The following ZNF804B variants were observed in gnomAD, a reference collection of about 807,000 sequenced individuals.
The protein encoded by ZNF804B is zinc finger 804B.
In ZNF804B, 80 loss-of-function variants were observed where a neutral mutation model predicts 101.4. The observed-to-expected ratio is 0.79, with a 90% CI of 0.66 to 0.95. ZNF804B has a LOEUF of 0.95. Among genes scored for constraint, ZNF804B ranks in the 40% least tolerant of loss-of-function variants. ZNF804B has a pLI of 0.00. For missense variants in ZNF804B, 1,673 were observed against 1,561.9 expected (o/e 1.07, Z -1.20); for synonymous variants, 622 against 558.8 (o/e 1.11, Z -1.59).
intron 1 of ZNF804B, among the ~76,000 whole-genome samples, chr7:88,911,199 C>T (rs555225512): frequency 9.9e-5 from 15 of 151,664 alleles, no homozygotes; most frequent in African/African-American, 3.1e-4. Flanking sequence ...TATGTAAGTG[C>T]GAAAGGACAT....
At chr7:88,931,973 C>T (rs1295611634) in intron 1 of ZNF804B, among the ~76,000 whole-genome samples, 2 of 151,046 alleles carry the variant, frequency 1.3e-5, no homozygotes, top group Non-Finnish European at 3.0e-5. Flanking sequence ...TTTCTGTCTG[C>T]CCTTCTAAGT....
intron 2 of ZNF804B, among the ~76,000 whole-genome samples, chr7:89,248,466 G>GAA (rs139869508): frequency 7.1e-6 from 1 of 140,834 alleles, no homozygotes; most frequent in East Asian, 2.0e-4. Flanking sequence ...AGCATTCTTT[G>GAA]AAAAAAAAAG....
intron 1 of ZNF804B, among the ~76,000 whole-genome samples, chr7:88,766,494 C>T (rs986468139): frequency 2.6e-5 from 4 of 152,082 alleles, no homozygotes; most frequent in Non-Finnish European, 5.9e-5. Flanking sequence ...ATATTTTTCT[C>T]TTCACAGAAA....
chr7:89,144,096 A>T (rs1046473899), intron 1 of ZNF804B, among the ~76,000 whole-genome samples: 2 of 152,052 alleles, frequency 1.3e-5, no homozygotes, highest in African/African-American at 4.8e-5. Context: ...TACAGTATTT[A>T]TGAAACCTCC....
intron 1 of ZNF804B, among the ~76,000 whole-genome samples, chr7:88,828,536 A>G (rs1242477343): frequency 6.6e-6 from 1 of 152,058 alleles, no homozygotes; most frequent in Non-Finnish European, 1.5e-5. Flanking sequence ...ATCCATTTTC[A>G]ATTTAAACAT....
intron 1 of ZNF804B, among the ~76,000 whole-genome samples, chr7:88,918,404 G>T (rs1792667990): frequency 6.6e-6 from 1 of 152,072 alleles, no homozygotes; most frequent in African/African-American, 2.4e-5. Context: ...ATTGCCGGCT[G>T]GTTCAAGGAA....
chr7:89,016,334 T>C (rs1788556904), intron 1 of ZNF804B, among the ~76,000 whole-genome samples: 2 of 152,012 alleles, frequency 1.3e-5, no homozygotes, highest in African/African-American at 4.8e-5. Context: ...AGAAGCTCTT[T>C]AGTTTAATTA....
chr7:88,985,822 A>G (rs562564827), intron 1 of ZNF804B, among the ~76,000 whole-genome samples: 1 of 152,106 alleles, frequency 6.6e-6, no homozygotes, highest in Non-Finnish European at 1.5e-5. Flanking sequence ...CCTGTTGATC[A>G]TTCCTCATTA....
At chr7:89,311,837 T>C (rs911390292) in intron 2 of ZNF804B, among the ~76,000 whole-genome samples, 1 of 152,200 alleles carries the variant, frequency 6.6e-6, no homozygotes, top group Non-Finnish European at 1.5e-5. Context: ...TGATATAATA[T>C]GGGTTACAAT....
intron 1 of ZNF804B, among the ~76,000 whole-genome samples, chr7:88,986,539 A>G (rs1793761902): frequency 6.6e-6 from 1 of 152,134 alleles, no homozygotes; most frequent in Admixed American, 6.6e-5. Flanking sequence ...AATAAACTGT[A>G]GGAATCCTAG....
At chr7:89,160,788 T>C (rs1335356177) in intron 1 of ZNF804B, among the ~76,000 whole-genome samples, 1 of 152,180 alleles carries the variant, frequency 6.6e-6, no homozygotes, top group Non-Finnish European at 1.5e-5. Flanking sequence ...CTAAATCCCC[T>C]CTTCATGCTA....
intron 1 of ZNF804B, among the ~76,000 whole-genome samples, chr7:88,790,787 T>C (rs1790368996): frequency 6.6e-6 from 1 of 152,074 alleles, no homozygotes; most frequent in Non-Finnish European, 1.5e-5. Flanking sequence ...ATTATAACTT[T>C]CATTGAGTTA....
chr7:89,320,293 G>A (rs1165355492), intron 2 of ZNF804B, among the ~76,000 whole-genome samples: 1 of 151,734 alleles, frequency 6.6e-6, no homozygotes, highest in African/African-American at 2.4e-5. Flanking sequence ...AAAAAGTAAT[G>A]ATATACAACA....
At chr7:88,899,487 C>T (rs1195417245) in intron 1 of ZNF804B, among the ~76,000 whole-genome samples, 1 of 152,052 alleles carries the variant, frequency 6.6e-6, no homozygotes, top group Admixed American at 6.6e-5. Context: ...TCTTCACTGT[C>T]ATATTCTTCA....
At position 89,154,047 on chromosome 7, in the gene ZNF804B, A is replaced by G. The variant is rs189570993; in HGVS notation, c.109-64108A>G. 2.3e-5 allele frequency among the ~76,000 whole-genome samples: 3 copies of G among 130,738 alleles called. No individual in the cohort carries two copies. The East Asian group carries it at 6.5e-4, about 28-fold the overall frequency. 85.8% of individuals were successfully genotyped at this position (130,738 alleles called of 152,430 possible). On this transcript the variant is annotated intron_variant, in intron 1 of 3. Transcript: ENST00000333190. ...AAACAAATCCATAGGAAAAAATCTA[A>G]TAATCCAATCAAAAAATGGGCAGAA...
chr7:89,115,187 A>G (rs1420805209), intron 1 of ZNF804B, among the ~76,000 whole-genome samples: 1 of 152,220 alleles, frequency 6.6e-6, no homozygotes. Flanking sequence ...ATTGTTTGAC[A>G]AGATTCCCGA....
intron 1 of ZNF804B, among the ~76,000 whole-genome samples, chr7:88,857,822 CTT>C (rs55841922): frequency 1.8e-3 from 149 of 81,438 alleles, no homozygotes; most frequent in African/African-American, 7.1e-3. Context: ...CCTTTCTTTT[CTT>C]TTTTTTTTTT....
chr7:88,941,953 C>A (rs1793061007), intron 1 of ZNF804B, among the ~76,000 whole-genome samples: 1 of 151,848 alleles, frequency 6.6e-6, no homozygotes, highest in African/African-American at 2.4e-5. Flanking sequence ...CCTGAAGTCC[C>A]TTAGAGTTTC....
chr7:89,103,401 T>C (rs1790090296), intron 1 of ZNF804B, among the ~76,000 whole-genome samples: 1 of 151,876 alleles, frequency 6.6e-6, no homozygotes, highest in Admixed American at 6.6e-5. Flanking sequence ...CATAATTTAT[T>C]TCATCAGTGA....
Sources: allele counts gnomAD v4.1 joint callset (sites outside exome capture counted in the v4.1 genomes callset), GRCh38; gene constraint gnomAD v4.1.1; transcripts MANE v1.5; gene names NCBI Gene and HGNC (gene_info 2026-07-23, HGNC 2026-07-21).